The following SLC49A4 variants were observed in gnomAD, a reference collection of about 807,000 sequenced individuals.
SLC49A4 encodes the protein disrupted in renal cancer protein 2.
In SLC49A4, 36 loss-of-function variants were observed where a neutral mutation model predicts 50.6. The ratio of observed to expected loss-of-function variants is 0.71; its 90% CI spans 0.55 to 0.94. The LOEUF is 0.94. SLC49A4 is among the 40% of genes least tolerant of loss of function. SLC49A4 has a pLI of 0.00. For synonymous variants in SLC49A4, 248 were observed against 241.2 expected, an observed-to-expected ratio of 1.03 and a Z score of -0.26; for missense variants, 503 against 605.7, an observed-to-expected ratio of 0.83 and a Z score of 1.78.
At position 122,838,260 on chromosome 3, in the gene SLC49A4, T is replaced by C. The variant is rs138613259; in HGVS notation, c.833+4814T>C. 8.1e-3 allele frequency among the ~76,000 whole-genome samples: 1,232 copies of C among 152,274 alleles called. 9 individuals carry two copies. The highest frequency in any genetic ancestry group is 0.026 in the African/African-American group (1,081 of 41,542). ...GCTGCTATAAAGACATGCAAACGTA[T>C]GTTTATGGTGGCAATATTCACAATA... On this transcript the variant is annotated intron_variant, in intron 4 of 8. Transcript: ENST00000261038.
chr3:122,795,284 A>AGGCGGCGGC lies in SLC49A4; in HGVS notation c.100_108dup (p.Ala34_Ala36dup). 1 of 1,416,328 alleles carries AGGCGGCGGC rather than the reference A, an allele frequency of 7.1e-7. No homozygotes were observed. Among genetic ancestry groups the AGGCGGCGGC allele is most frequent in the African/African-American group, 1.5e-5 (1 of 65,802 alleles). 87.7% of individuals were successfully genotyped at this position (1,416,328 alleles called of 1,614,324 possible). A position where few individuals can be genotyped will look rare whatever the true frequency, so the allele number is the denominator to read the frequency against. ...CTGGGGGCCTCCTGGAGAAGCCGGG[A>AGGCGGCGGC]GGCGGCGGCGGCGGCGCTGCCCGCG... is the stretch of plus-strand genomic sequence containing the variant. On this transcript the variant is annotated inframe_insertion, in exon 1 of 9. Transcript: ENST00000261038.
At chr3:122,814,603 CAA>C (rs1936339466) in intron 2 of SLC49A4, among the ~76,000 whole-genome samples, 1 of 152,094 alleles carries the variant, frequency 6.6e-6, no homozygotes, top group Admixed American at 6.6e-5. Flanking sequence ...AGCTGTGTAA[CAA>C]ACCAAAAATA....
intron 1 of SLC49A4, among the ~76,000 whole-genome samples, chr3:122,804,947 A>C (rs1936193209): frequency 6.6e-6 from 1 of 152,212 alleles, no homozygotes; most frequent in Non-Finnish European, 1.5e-5. Context: ...ATGGCCATAA[A>C]CAGTGCCTCA....
intron 1 of SLC49A4, among the ~76,000 whole-genome samples, chr3:122,797,942 C>T (rs1243166606): frequency 6.6e-6 from 1 of 152,202 alleles, no homozygotes; most frequent in Non-Finnish European, 1.5e-5. Flanking sequence ...GATTGCTCCA[C>T]TGCACTCCAG....
chr3:122,872,564 G>GTA lies in SLC49A4; in HGVS notation c.1289_1290dup (p.Leu431TyrfsTer99). The GTA allele has an allele frequency of 6.3e-7, 1 of 1,592,482 alleles. No homozygotes were observed. The highest frequency in any genetic ancestry group is 1.1e-5 in the South Asian group (1 of 87,528). On this transcript the variant is annotated frameshift_variant, in exon 8 of 9. Transcript: ENST00000261038. LOFTEE classifies it high-confidence loss of function. The stretch of plus-strand genomic sequence containing the variant: ...TTTTTTAAGTAATATGTTTATGGGA[G>GTA]TACTTTTATTTTTTCTCACATTTTA...
intron 4 of SLC49A4, 69 bp downstream of exon 4, chr3:122,833,515 ATAATT>A: frequency 7.8e-6 from 11 of 1,411,386 alleles, no homozygotes; most frequent in Non-Finnish European, 9.5e-6. Context: ...TTTTTAAAAA[ATAATT>A]TAAGATAGTA....
chr3:122,821,472 G>A (rs1220032165), intron 2 of SLC49A4, among the ~76,000 whole-genome samples: 2 of 152,204 alleles, frequency 1.3e-5, no homozygotes, highest in African/African-American at 4.8e-5. Context: ...GCTGAAGGAG[G>A]AGGCACACAT....
At chr3:122,810,075 T>A (rs1201850233) in intron 2 of SLC49A4, among the ~76,000 whole-genome samples, 1 of 152,188 alleles carries the variant, frequency 6.6e-6, no homozygotes, top group African/African-American at 2.4e-5. Context: ...TACAAGTCTG[T>A]GTTTTTGTGG....
intron 5 of SLC49A4, among the ~76,000 whole-genome samples, chr3:122,851,227 T>C (rs1350366432): frequency 6.6e-6 from 1 of 152,224 alleles, no homozygotes; most frequent in African/African-American, 2.4e-5. Context: ...TTTTGTTCTT[T>C]ATTTCTTTAT....
chr3:122,828,408 A>G (rs141188364), intron 3 of SLC49A4, among the ~76,000 whole-genome samples: 344 of 152,316 alleles, frequency 2.3e-3, no homozygotes, highest in Non-Finnish European at 3.3e-3. Context: ...TGAGAGAACG[A>G]TGGTTAAATA....
chr3:122,838,940 A>C (rs899081229), intron 4 of SLC49A4, among the ~76,000 whole-genome samples: 1 of 152,172 alleles, frequency 6.6e-6, no homozygotes, highest in African/African-American at 2.4e-5. Flanking sequence ...AAGCAATCCT[A>C]AGCAAAAGGA....
At position 122,806,951 on chromosome 3, in the gene SLC49A4, G is replaced by A. The variant is rs754560789; in HGVS notation, c.437+1G>A. ...TATCAGACTTAATCCTTAAAAGAAG[G>A]TAAATCCTGTAAATAACATTTCTCC... On this transcript the variant is annotated splice_donor_variant, in intron 2 of 8. Transcript: ENST00000261038. LOFTEE classifies it high-confidence loss of function. The A allele has an allele frequency of 2.0e-6, 3 of 1,510,560 alleles. No homozygotes were observed. The highest frequency in any genetic ancestry group is 1.8e-5 in the Admixed American group (1 of 56,874). The allele number at this position is 1,510,560 out of a possible 1,614,324, so 93.6% of individuals were successfully genotyped here.
chr3:122,858,301 T>C (rs1344578563), intron 6 of SLC49A4, among the ~76,000 whole-genome samples: 1 of 152,254 alleles, frequency 6.6e-6, no homozygotes, highest in African/African-American at 2.4e-5. Flanking sequence ...AATTCAACTC[T>C]GATTTGTACT....
intron 5 of SLC49A4, among the ~76,000 whole-genome samples, chr3:122,853,447 TG>T (rs1438847058): frequency 6.6e-6 from 1 of 152,174 alleles, no homozygotes; most frequent in Non-Finnish European, 1.5e-5. Flanking sequence ...TAAGGAAAAG[TG>T]TAGCACCCAT....
chr3:122,798,041 A>AT (rs1936072761), intron 1 of SLC49A4, among the ~76,000 whole-genome samples: 1 of 152,162 alleles, frequency 6.6e-6, no homozygotes, highest in Admixed American at 6.5e-5. Flanking sequence ...TTACAATAAT[A>AT]TTTTTTTAAA....
chr3:122,847,654 A>G (rs1027251355), intron 5 of SLC49A4, among the ~76,000 whole-genome samples: 6 of 152,054 alleles, frequency 3.9e-5, no homozygotes, highest in South Asian at 4.1e-4. Context: ...CCAGTATACA[A>G]TTTAAAAAAA....
In SLC49A4 at chr3:122,880,227, A is replaced by G. The variant is rs536497292; in HGVS notation, c.*849A>G. ...TATGGTGGCATGAGATGTAATGTCC[A>G]GAGCCAACAATTATTTACCAGGGTT... On this transcript the variant is annotated 3_prime_UTR_variant, in exon 9 of 9. Transcript: ENST00000261038. 1 of 152,270 alleles carries G rather than the reference A, an allele frequency of 6.6e-6. No individual in the cohort carries two copies. The highest frequency in any genetic ancestry group is 1.5e-5 in the Non-Finnish European group (1 of 68,054). The allele number at this position is 152,270 out of a possible 1,614,324, so 9.4% of individuals were successfully genotyped here. A position where few individuals can be genotyped will look rare whatever the true frequency, so the allele number is the denominator to read the frequency against.
chr3:122,810,678 G>C (rs1195513740), intron 2 of SLC49A4, among the ~76,000 whole-genome samples: 1 of 152,214 alleles, frequency 6.6e-6, no homozygotes, highest in Admixed American at 6.5e-5. Flanking sequence ...TATCTTTTCA[G>C]TTCGGTGTAA....
chr3:122,833,219 T>TGAC (rs1486373731), intron 3 of SLC49A4, 98 bp from the exon 4 acceptor site: 22 of 1,204,580 alleles, frequency 1.8e-5, no homozygotes, highest in Non-Finnish European at 2.6e-5. Context: ...CCAGCCTGGG[T>TGAC]GACGGAGTGA....
Sources: gnomAD v4.1 joint callset for allele counts (sites outside exome capture counted in the v4.1 genomes callset) on GRCh38, gnomAD v4.1.1 for gene constraint, MANE v1.5 for transcripts, NCBI Gene and HGNC (gene_info 2026-07-23, HGNC 2026-07-21) for gene names.